COL9A1: variants seen among roughly 807,000 people sequenced by gnomAD.
COL9A1 encodes the protein collagen type IX alpha 1 chain, also known as collagen alpha-1(IX) chain.
COL9A1 carries 104 observed loss-of-function variants against 142.6 expected under a neutral mutation model. The ratio of observed to expected loss-of-function variants is 0.73; its 90% confidence interval spans 0.62 to 0.86. COL9A1 has a LOEUF of 0.86. Among genes scored for constraint, COL9A1 ranks in the 40% least tolerant of loss-of-function variants. The pLI is 0.00. For synonymous variants in COL9A1, 466 were observed against 396.0 expected, an observed-to-expected ratio of 1.18 and a Z score of -2.10; for missense variants, 1,210 against 1,176.6, an observed-to-expected ratio of 1.03 and a Z score of -0.42.
chr6:70,250,403 C>T (rs527708341), intron 28 of COL9A1, among the ~76,000 whole-genome samples: 10 of 152,296 alleles, frequency 6.6e-5, no homozygotes, highest in Non-Finnish European at 1.5e-5. Flanking sequence ...AATGTCATTG[C>T]TTCGACAGTT....
intron 2 of COL9A1, among the ~76,000 whole-genome samples, chr6:70,301,684 A>G (rs1583357851): frequency 6.6e-6 from 1 of 152,272 alleles, no homozygotes; most frequent in East Asian, 1.9e-4. Flanking sequence ...CCATCCATCC[A>G]TCAGTCTATT....
intron 37 of COL9A1, among the ~76,000 whole-genome samples, chr6:70,221,321 T>C (rs1768869818): frequency 6.6e-6 from 1 of 152,232 alleles, no homozygotes; most frequent in Non-Finnish European, 1.5e-5. Flanking sequence ...ACTGGTTATG[T>C]AGACTTTTTG....
chr6:70,269,641 C>A lies in COL9A1; in HGVS notation c.1222G>T (p.Asp408Tyr). The A allele has an allele frequency of 6.3e-7, 1 of 1,591,868 alleles. No individual in the cohort carries two copies. Among genetic ancestry groups the A allele is most frequent in the South Asian group, 1.1e-5 (1 of 90,692 alleles). The stretch of plus-strand genomic sequence containing the variant: ...AAAGGAAAGCATCTTACCAATGGAT[C>A]TCCATCATGAAAGCCAATTGTTCCC... ...PRGTIGFHDGDPLCPNACPPG... is the reference protein window; with the variant it reads ...PRGTIGFHDGYPLCPNACPPG... Residue 408 changes from aspartate to tyrosine, a missense_variant, in exon 16 of 38, where the codon GAT becomes TAT. By Grantham distance (160) the Asp-to-Tyr change is radical. Coordinates refer to ENST00000357250, the MANE Select transcript of COL9A1 (RefSeq NM_001851.6).
At position 70,269,666 on chromosome 6, in the gene COL9A1, CTAAAG is replaced by C. The variant is rs2127589264; in HGVS notation, c.1198-6_1198-2del. ...CTCCATCATGAAAGCCAATTGTTCC[CTAAAG>C]TAAACAAAATATTAAGGTTCAGAAT... On this transcript the variant is annotated splice_acceptor_variant and splice_polypyrimidine_tract_variant and intron_variant, in intron 15 of 37. Transcript: ENST00000357250. LOFTEE classifies it high-confidence loss of function. The C allele has an allele frequency of 6.3e-7, 1 of 1,579,162 alleles. No individual in the cohort carries two copies.
intron 14 of COL9A1, among the ~76,000 whole-genome samples, chr6:70,270,933 C>T (rs1057007158): frequency 2.0e-5 from 3 of 152,214 alleles, no homozygotes; most frequent in African/African-American, 7.2e-5. Context: ...GTTCCAATTA[C>T]TCTTAACATC....
chr6:70,290,864 T>G (rs1773632561), intron 5 of COL9A1, among the ~76,000 whole-genome samples: 1 of 152,132 alleles, frequency 6.6e-6, no homozygotes, highest in Admixed American at 6.6e-5. Flanking sequence ...AAACCACACT[T>G]TTTCTTATTG....
intron 32 of COL9A1, among the ~76,000 whole-genome samples, chr6:70,239,994 A>AT (rs1370618356): frequency 1.3e-5 from 2 of 152,110 alleles, no homozygotes; most frequent in Non-Finnish European, 2.9e-5. Flanking sequence ...CATTTCTAGG[A>AT]TTTTTTTCCT....
chr6:70,227,270 G>T (rs1378246634), intron 36 of COL9A1, among the ~76,000 whole-genome samples: 1 of 151,446 alleles, frequency 6.6e-6, no homozygotes, highest in Non-Finnish European at 1.5e-5. Context: ...AATATGAAGG[G>T]TTCCTAAAAT....
In COL9A1 at chr6:70,300,190, T is replaced by C. The variant is rs755020498; in HGVS notation, c.167-15A>G. 1 of 1,613,452 alleles carries C rather than the reference T, an allele frequency of 6.2e-7. No homozygotes were observed. Among genetic ancestry groups the C allele is most frequent in the Non-Finnish European group, 8.5e-7 (1 of 1,179,780 alleles). On this transcript the variant is annotated splice_polypyrimidine_tract_variant and intron_variant, in intron 3 of 37. Coordinates refer to ENST00000357250, the MANE Select transcript of COL9A1 (RefSeq NM_001851.6). Reference sequence around the variant, plus strand: ...CAGATCAAACCCTATAGAATGGGAATACAAAATGAAAAGTCTAAAATGAGA... The same window carrying C: ...CAGATCAAACCCTATAGAATGGGAACACAAAATGAAAAGTCTAAAATGAGA...
At chr6:70,286,497 T>C (rs1316770060) in intron 5 of COL9A1, among the ~76,000 whole-genome samples, 1 of 152,238 alleles carries the variant, frequency 6.6e-6, no homozygotes, top group Non-Finnish European at 1.5e-5. Context: ...TTCTGCAAAC[T>C]GAATTATGAT....
chr6:70,269,571 C>T, intron 16 of COL9A1, 62 bp downstream of exon 16: 3 of 1,114,264 alleles, frequency 2.7e-6, no homozygotes, highest in Non-Finnish European at 4.1e-6. Context: ...AAAGAAAACT[C>T]ATCTGCAGGC....
At chr6:70,271,813 C>A in intron 13 of COL9A1, 105 bp from the exon 14 acceptor site, 1 of 1,215,654 alleles carries the variant, frequency 8.2e-7, no homozygotes, top group Non-Finnish European at 1.2e-6. Flanking sequence ...TCTGTATTAG[C>A]TTTGGTTTCC....
chr6:70,281,547 T>C, intron 7 of COL9A1, 83 bp from the exon 8 acceptor site: 1 of 1,071,086 alleles, frequency 9.3e-7, no homozygotes. Context: ...AGCCCCCGCC[T>C]CCGTGGGGTA....
At chr6:70,276,567 T>C (rs539609786) in intron 10 of COL9A1, among the ~76,000 whole-genome samples, 1 of 152,324 alleles carries the variant, frequency 6.6e-6, no homozygotes, top group African/African-American at 2.4e-5. Flanking sequence ...ACTGGAAAGT[T>C]CTTTGAACTA....
At chr6:70,252,510 A>T (rs1771009347) in intron 26 of COL9A1, among the ~76,000 whole-genome samples, 195 bp from the exon 27 acceptor site, 1 of 152,120 alleles carries the variant, frequency 6.6e-6, no homozygotes, top group Admixed American at 6.5e-5. Flanking sequence ...ATTGTCTGTG[A>T]GTCTGGGAAA....
rs67240674 is a variant in COL9A1 at position 70,280,732 on chromosome 6, T to TC, written c.975+79dup. The stretch of plus-strand genomic sequence containing the variant: ...CTCTCTCTCTCTTTCTCTCTCTCCC[T>TC]CCCCCCCCACAAAACACACACTTAC... On this transcript the variant is annotated intron_variant, in intron 10 of 37. Coordinates refer to ENST00000357250, the MANE Select transcript of COL9A1 (RefSeq NM_001851.6). 170,993 of 1,373,580 alleles carry TC rather than the reference T, an allele frequency of 0.12. 10,215 individuals are homozygous for TC. Among genetic ancestry groups the TC allele is most frequent in the African/African-American group, 0.23 (15,869 of 68,392 alleles). 85.1% of individuals were successfully genotyped at this position (1,373,580 alleles called of 1,614,324 possible).
In COL9A1 at chr6:70,294,555, T is replaced by C. The variant is rs1451534350; in HGVS notation, c.308A>G (p.Tyr103Cys). ...GTATTCTTCAGGCAGTCCACTGGGATATAAATTCCTGAGTAAAATTTTTAA... is the reference window on the plus strand; with the variant it reads ...GTATTCTTCAGGCAGTCCACTGGGACATAAATTCCTGAGTAAAATTTTTAA... ...VDFRIPTRNLYPSGLPEEYSF... is the reference protein window; with the variant it reads ...VDFRIPTRNLCPSGLPEEYSF... The change falls in exon 5 of 38, where the codon TAT (tyrosine) becomes TGT (cysteine). Residue 103 changes from tyrosine to cysteine, a missense_variant. Coordinates refer to ENST00000357250, the MANE Select transcript of COL9A1 (RefSeq NM_001851.6). 1 of 1,613,958 alleles carries C rather than the reference T, an allele frequency of 6.2e-7. No individual in the cohort carries two copies. Among genetic ancestry groups the C allele is most frequent in the African/African-American group, 1.3e-5 (1 of 75,040 alleles).
intron 10 of COL9A1, chr6:70,279,447 T>TA (rs1404651060): frequency 1.3e-5 from 2 of 152,044 alleles, no homozygotes; most frequent in Non-Finnish European, 2.9e-5. Context: ...ATCTATTTCC[T>TA]AAAATACTAT....
chr6:70,228,141 A>G (rs1362631024), intron 36 of COL9A1, among the ~76,000 whole-genome samples: 2 of 152,114 alleles, frequency 1.3e-5, no homozygotes, highest in Non-Finnish European at 1.5e-5. Flanking sequence ...TTAAAAACAT[A>G]AAGTGTGTTG....
Sources: allele counts gnomAD v4.1 joint callset (sites outside exome capture counted in the v4.1 genomes callset), GRCh38; gene constraint gnomAD v4.1.1; transcripts MANE v1.5; gene names NCBI Gene and HGNC (gene_info 2026-07-23, HGNC 2026-07-21).